UBE2F: variants seen among roughly 807,000 people sequenced by gnomAD.
UBE2F encodes the protein NEDD8-conjugating enzyme UBE2F.
Under a neutral mutation model 29.6 loss-of-function variants are expected in UBE2F, and 5 were observed. The ratio of observed to expected loss-of-function variants is 0.17; its 90% CI spans 0.09 to 0.36. The LOEUF is 0.36. Among genes scored for constraint, UBE2F ranks in the 10% least tolerant of loss-of-function variants. The pLI is 1.00. For missense variants in UBE2F, 141 were observed against 228.5 expected (o/e 0.62, Z 2.47); for synonymous variants, 66 against 81.8 (o/e 0.81, Z 1.04).
At chr2:237,974,211 G>T (rs2063229687) in intron 2 of UBE2F, among the ~76,000 whole-genome samples, 1 of 150,478 alleles carries the variant, frequency 6.6e-6, no homozygotes, top group South Asian at 2.1e-4. Flanking sequence ...AGGCTAGAGT[G>T]CAGTGGTGTG....
intron 2 of UBE2F, among the ~76,000 whole-genome samples, chr2:237,979,472 C>T (rs13407723): frequency 0.025 from 3,772 of 152,298 alleles, 156 homozygotes; most frequent in African/African-American, 0.086. Context: ...CTGTCTCCAG[C>T]GTGTCCTGGC....
At chr2:237,978,276 T>G (rs988702215) in intron 2 of UBE2F, among the ~76,000 whole-genome samples, 4 of 152,218 alleles carry the variant, frequency 2.6e-5, no homozygotes, top group Non-Finnish European at 4.4e-5. Flanking sequence ...TGGGTGCTGC[T>G]GCATCACAGC....
chr2:238,030,435 G>C, intron 6 of UBE2F, 121 bp from the exon 7 acceptor site: 1 of 680,320 alleles, frequency 1.5e-6, no homozygotes, highest in East Asian at 2.7e-5. Context: ...AGCCACAGAG[G>C]AAAAGATGGG....
chr2:237,972,563 T>A (rs1256136541), intron 1 of UBE2F, among the ~76,000 whole-genome samples: 1 of 147,754 alleles, frequency 6.8e-6, no homozygotes, highest in African/African-American at 2.5e-5. Flanking sequence ...TTTTTTTTTT[T>A]TTTTTGAGAC....
chr2:238,030,091 G>A (rs1363868821), intron 6 of UBE2F, among the ~76,000 whole-genome samples: 3 of 151,908 alleles, frequency 2.0e-5, no homozygotes, highest in Non-Finnish European at 4.4e-5. Context: ...CACTATGCCT[G>A]GCTAATTTTT....
In UBE2F at chr2:237,973,123, A is replaced by G; in HGVS notation, c.16A>G (p.Ser6Gly). ...GGCAGCAGTAATGCTAACGCTAGCA[A>G]GTAAACTGAAGCGTGACGATGGTCT... Reference protein sequence around the residue: MLTLASKLKRDDGLKG... With the variant: MLTLAGKLKRDDGLKG... Residue 6 changes from serine to glycine, a missense_variant, in exon 2 of 10, where the codon AGT (serine) becomes GGT (glycine). Coordinates refer to ENST00000272930, the MANE Select transcript of UBE2F (RefSeq NM_080678.3). 6.2e-7 allele frequency: 1 copy of G among 1,613,316 alleles called. No homozygotes were observed. Among genetic ancestry groups the G allele is most frequent in the Middle Eastern group, 1.7e-4 (1 of 6,060 alleles).
intron 2 of UBE2F, among the ~76,000 whole-genome samples, chr2:237,975,519 G>A (rs561234167): frequency 4.7e-4 from 71 of 152,274 alleles, no homozygotes; most frequent in African/African-American, 1.7e-3. Flanking sequence ...GAGATTGCAG[G>A]CATTTACGTG....
At chr2:237,994,891 T>G (rs555411519) in intron 4 of UBE2F, 82 bp downstream of exon 4, 10 of 1,114,686 alleles carry the variant, frequency 9.0e-6, no homozygotes, top group Non-Finnish European at 1.4e-5. Flanking sequence ...TTGCTTTGGT[T>G]TGTCCTCTAG....
chr2:238,027,694 A>C (rs2064464782), intron 6 of UBE2F, among the ~76,000 whole-genome samples: 2 of 152,214 alleles, frequency 1.3e-5, no homozygotes, highest in Admixed American at 6.5e-5. Flanking sequence ...GTTAGTGAAA[A>C]GCAGACAGTG....
rs1024270729 is a variant in UBE2F at position 238,032,146 on chromosome 2, ATTTC to A, written c.412-73_412-70del. On this transcript the variant is annotated intron_variant, in intron 7 of 9. Transcript: ENST00000272930. ...CAGGTTTTGATACAGTGCAAAGCATATTTCTTGATCATGGGTTTAAAAGACTAGG... is the reference window on the plus strand; with the variant it reads ...CAGGTTTTGATACAGTGCAAAGCATATTGATCATGGGTTTAAAAGACTAGG... 134 of 1,184,974 alleles carry A rather than the reference ATTTC, an allele frequency of 1.1e-4. 1 individual carries two copies. Among genetic ancestry groups the A allele is most frequent in the Non-Finnish European group, 1.5e-4 (121 of 795,440 alleles). 73.4% of individuals were successfully genotyped at this position (1,184,974 alleles called of 1,614,324 possible). A position where few individuals can be genotyped will look rare whatever the true frequency, so the allele number is the denominator to read the frequency against.
chr2:238,010,205 G>T (rs2063992408), intron 4 of UBE2F, among the ~76,000 whole-genome samples: 1 of 151,618 alleles, frequency 6.6e-6, no homozygotes, highest in African/African-American at 2.4e-5. Context: ...ACAGAGTCTT[G>T]CTTTATTGCC....
At chr2:238,022,158 T>TTCTTG (rs1476514161) in intron 5 of UBE2F, among the ~76,000 whole-genome samples, 94 of 42,452 alleles carry the variant, frequency 2.2e-3, no homozygotes, top group African/African-American at 7.5e-3. Context: ...TCATTTCTTT[T>TTCTTG]TCTTTTCTTT....
chr2:238,007,511 A>G (rs1418189184), intron 4 of UBE2F, among the ~76,000 whole-genome samples: 1 of 66,314 alleles, frequency 1.5e-5, no homozygotes, highest in Non-Finnish European at 2.8e-5. Context: ...ATGTATATGT[A>G]TGTATGTATT....
chr2:238,017,503 T>C (rs982464827), intron 5 of UBE2F, among the ~76,000 whole-genome samples: 1 of 151,954 alleles, frequency 6.6e-6, no homozygotes, highest in African/African-American at 2.4e-5. Flanking sequence ...AACTCAGATG[T>C]GGGGGTTTGG....
Position 238,040,289 on chromosome 2 carries a change from C to T in UBE2F, c.508-999C>T, listed in dbSNP as rs796221003. Among the ~76,000 whole-genome samples, 1 of 152,354 alleles carries T rather than the reference C, an allele frequency of 6.6e-6. No homozygotes were observed. Among genetic ancestry groups the T allele is most frequent in the East Asian group, 1.9e-4 (1 of 5,188 alleles). ...CTGCAAGAGGGCATCGCGGCAGCAGCGAGGTATACATCGAGTGCCAGGTTA... is the reference window on the plus strand; with the variant it reads ...CTGCAAGAGGGCATCGCGGCAGCAGTGAGGTATACATCGAGTGCCAGGTTA... On this transcript the variant is annotated intron_variant, in intron 9 of 9. Transcript: ENST00000272930. This position sits in a 1 kb window ranked among gnomAD's most constrained non-coding sequence, Gnocchi z 4.4.
intron 2 of UBE2F, among the ~76,000 whole-genome samples, chr2:237,977,035 T>C (rs568592418): frequency 6.6e-6 from 1 of 152,232 alleles, no homozygotes; most frequent in East Asian, 1.9e-4. Context: ...GCTCTGCGTC[T>C]CCATGTCTCC....
At chr2:238,010,556 T>C (rs886891006) in intron 4 of UBE2F, among the ~76,000 whole-genome samples, 2 of 152,240 alleles carry the variant, frequency 1.3e-5, no homozygotes, top group Admixed American at 6.5e-5. Context: ...GCAGTTGTTA[T>C]TTGTACAGGC....
Sources: gnomAD v4.1 joint callset for allele counts (sites outside exome capture counted in the v4.1 genomes callset) on GRCh38, gnomAD v4.1.1 for gene constraint, Gnocchi (gnomAD v3.1) non-coding constraint, MANE v1.5 for transcripts, NCBI Gene and HGNC (gene_info 2026-07-23, HGNC 2026-07-21) for gene names.